CCDC149: variants seen among roughly 807,000 people sequenced by gnomAD.
The protein encoded by CCDC149 is coiled-coil domain-containing protein 149.
CCDC149 carries 45 observed loss-of-function variants against 59.9 expected under a neutral mutation model. The observed-to-expected ratio is 0.75, with a 90% CI of 0.59 to 0.96. The LOEUF (loss-of-function observed/expected upper bound fraction) is 0.96. CCDC149 is among the 40% of genes least tolerant of loss of function. CCDC149 has a pLI of 0.00. For missense variants in CCDC149, 584 were observed against 664.7 expected (o/e 0.88, Z 1.33); for synonymous variants, 245 against 260.6 (o/e 0.94, Z 0.58).
chr4:24,818,875 C>T (rs545184439), intron 12 of CCDC149, among the ~76,000 whole-genome samples: 68 of 152,270 alleles, frequency 4.5e-4, no homozygotes, highest in African/African-American at 1.4e-3. Flanking sequence ...ACATGGAAGA[C>T]GGTTACACGG....
intron 1 of CCDC149, among the ~76,000 whole-genome samples, chr4:24,911,087 C>T (rs1721844636): frequency 6.6e-6 from 1 of 152,130 alleles, no homozygotes; most frequent in African/African-American, 2.4e-5. Context: ...GATTCACTGA[C>T]TTATTCAACA....
chr4:24,969,217 C>T (rs1425928699), intron 1 of CCDC149, among the ~76,000 whole-genome samples: 7 of 152,190 alleles, frequency 4.6e-5, no homozygotes, highest in Non-Finnish European at 7.3e-5. Flanking sequence ...AGGGTGAGTG[C>T]CCTTGACCAG....
At chr4:24,881,561 T>C (rs1719842857) in intron 1 of CCDC149, among the ~76,000 whole-genome samples, 1 of 152,046 alleles carries the variant, frequency 6.6e-6, no homozygotes, top group South Asian at 2.1e-4. Flanking sequence ...AAATTATTGG[T>C]GTGTCAAAGT....
intron 1 of CCDC149, among the ~76,000 whole-genome samples, chr4:24,906,985 G>C (rs750725768): frequency 1.3e-5 from 2 of 152,124 alleles, no homozygotes; most frequent in Non-Finnish European, 2.9e-5. Flanking sequence ...CTTAGTCTTA[G>C]TATTTCGTTA....
intron 1 of CCDC149, among the ~76,000 whole-genome samples, chr4:24,891,202 C>T (rs1177305915): frequency 6.6e-6 from 1 of 152,010 alleles, no homozygotes; most frequent in East Asian, 2.0e-4. Context: ...TCAGCCCCCC[C>T]AGCAAAAAGT....
At chr4:24,951,820 A>C (rs1166306869) in intron 1 of CCDC149, among the ~76,000 whole-genome samples, 1 of 152,208 alleles carries the variant, frequency 6.6e-6, no homozygotes, top group Non-Finnish European at 1.5e-5. Context: ...GGCAGGAATT[A>C]TTATTATTAA....
chr4:24,899,944 T>C (rs1352404436), intron 1 of CCDC149, among the ~76,000 whole-genome samples: 6 of 152,320 alleles, frequency 3.9e-5, no homozygotes, highest in African/African-American at 1.2e-4. Flanking sequence ...GCTATGTCTG[T>C]ACCTTTGCCA....
intron 3 of CCDC149, among the ~76,000 whole-genome samples, chr4:24,864,596 T>TA (rs1219212465): frequency 1.3e-5 from 2 of 152,298 alleles, no homozygotes; most frequent in African/African-American, 2.4e-5. Context: ...ATTTGAGTGA[T>TA]AAAAAAACTC....
chr4:24,876,628 T>G lies in CCDC149; in HGVS notation c.133A>C (p.Thr45Pro). 6.2e-7 allele frequency: 1 copy of G among 1,614,138 alleles called. No homozygotes were observed. The highest frequency in any genetic ancestry group is 8.5e-7 in the Non-Finnish European group (1 of 1,180,004). ...TACTGGTCCCTTTCCTGTTGACAGG[T>G]GTCCAGCTCCTTGGAGAGGATCAGC... The change falls in exon 2 of 13, where the codon ACC (threonine) becomes CCC (proline). Residue 45 changes from threonine (T) to proline (P), a missense_variant. By Grantham distance (38) the Thr-to-Pro change is conservative. Transcript: ENST00000635206.
At chr4:24,848,210 C>T (rs1223571786) in intron 4 of CCDC149, among the ~76,000 whole-genome samples, 1 of 152,032 alleles carries the variant, frequency 6.6e-6, no homozygotes, top group Non-Finnish European at 1.5e-5. Context: ...CACTGAGTAG[C>T]CATTTCAGGT....
chr4:24,877,593 C>T (rs937784091), intron 1 of CCDC149, among the ~76,000 whole-genome samples: 5 of 152,228 alleles, frequency 3.3e-5, no homozygotes, highest in Admixed American at 6.5e-5. Context: ...CAGCTATTTT[C>T]TCACTTGCAA....
intron 3 of CCDC149, among the ~76,000 whole-genome samples, chr4:24,862,657 G>A (rs373643927): frequency 6.6e-6 from 1 of 152,136 alleles, no homozygotes; most frequent in South Asian, 2.1e-4. Context: ...ACATAACTAG[G>A]CTGATTCAAA....
At chr4:24,891,373 A>G (rs992393011) in intron 1 of CCDC149, among the ~76,000 whole-genome samples, 2 of 152,184 alleles carry the variant, frequency 1.3e-5, no homozygotes, top group Admixed American at 6.5e-5. Flanking sequence ...TGATTATGCT[A>G]GCAAAAGGCT....
At chr4:24,944,315 C>T (rs1041533620) in intron 1 of CCDC149, among the ~76,000 whole-genome samples, 73 of 151,764 alleles carry the variant, frequency 4.8e-4, no homozygotes, top group African/African-American at 1.7e-3. Flanking sequence ...AACCAAACAC[C>T]GCATGTTCTC....
intron 1 of CCDC149, among the ~76,000 whole-genome samples, chr4:24,899,875 C>T (rs557886372): frequency 6.6e-6 from 1 of 152,228 alleles, no homozygotes; most frequent in East Asian, 1.9e-4. Context: ...TGATGCTCCA[C>T]TATGTGTCCC....
intron 1 of CCDC149, among the ~76,000 whole-genome samples, chr4:24,955,126 GAGA>G (rs1192915815): frequency 6.6e-6 from 1 of 152,064 alleles, no homozygotes; most frequent in African/African-American, 2.4e-5. Flanking sequence ...GTGATTTATG[GAGA>G]AGAAAAGTTT....
At position 24,837,487 on chromosome 4, in the gene CCDC149, G is replaced by C; in HGVS notation, c.490-87C>G. 1 of 1,294,504 alleles carries C rather than the reference G, an allele frequency of 7.7e-7. No individual in the cohort carries two copies. The highest frequency in any genetic ancestry group is 1.1e-6 in the Non-Finnish European group (1 of 916,954). 80.2% of individuals were successfully genotyped at this position (1,294,504 alleles called of 1,614,324 possible). On this transcript the variant is annotated intron_variant, in intron 5 of 12. Transcript: ENST00000635206. This position sits in a 1 kb window ranked among gnomAD's most constrained non-coding sequence, Gnocchi z 4.3. ...GATGGAGCCTCCCACTTGGTTGACT[G>C]ATTTTTAGAGAGTTTATTAACACTA...
intron 1 of CCDC149, among the ~76,000 whole-genome samples, chr4:24,882,847 A>G (rs1577447271): frequency 6.6e-6 from 1 of 152,320 alleles, no homozygotes; most frequent in Non-Finnish European, 1.5e-5. Flanking sequence ...ACAAATCTCT[A>G]CAGTCTCGAT....
chr4:24,822,721 AAT>A, intron 9 of CCDC149, 148 bp from the exon 10 acceptor site: 1 of 513,442 alleles, frequency 1.9e-6, no homozygotes. Flanking sequence ...GTGTGTAAAT[AAT>A]ATGTGCTCTA....
Sources: gnomAD v4.1 joint callset for allele counts (sites outside exome capture counted in the v4.1 genomes callset) on GRCh38, gnomAD v4.1.1 for gene constraint, Gnocchi (gnomAD v3.1) non-coding constraint, MANE v1.5 for transcripts, NCBI Gene and HGNC (gene_info 2026-07-23, HGNC 2026-07-21) for gene names.